The following SLC2A13 variants were observed in gnomAD, a reference collection of about 807,000 sequenced individuals.
SLC2A13 encodes solute carrier family 2 member 13.
SLC2A13 carries 32 observed loss-of-function variants against 64.4 expected under a neutral mutation model. The observed-to-expected ratio is 0.50, with a 90% CI of 0.37 to 0.67. SLC2A13 has a LOEUF of 0.67. Ranked by LOEUF, SLC2A13 falls within the 30% of genes least tolerant of loss-of-function variation. The pLI, the probability that SLC2A13 is intolerant of heterozygous loss-of-function variation, is 0.00. For missense variants in SLC2A13, 743 were observed against 829.2 expected (o/e 0.90, Z 1.28); for synonymous variants, 338 against 327.1 (o/e 1.03, Z -0.36).
At chr12:40,064,326 C>A (rs947043222) in intron 1 of SLC2A13, among the ~76,000 whole-genome samples, 3 of 152,072 alleles carry the variant, frequency 2.0e-5, no homozygotes, top group Admixed American at 1.3e-4. Flanking sequence ...TACACACATA[C>A]CCTTAATCCA....
At position 40,048,173 on chromosome 12, in the gene SLC2A13, C is replaced by T. The variant is rs1948198693; in HGVS notation, c.594G>A (p.Glu198=). The change falls in exon 2 of 10, where the codon GAG becomes GAA. Residue 198 remains glutamate, a synonymous_variant. Coordinates refer to ENST00000280871, the MANE Select transcript of SLC2A13 (RefSeq NM_052885.4). ...ASMTVPVYIA[E]VSPPNLRGRL... is the part of the protein sequence containing the mutation. The stretch of plus-strand genomic sequence containing the variant: ...GGCCTCTTAAATTGGGTGGTGAGAC[C>T]TCCGCAATGTACACTGGCACTGTCA... 1 of 1,612,966 alleles carries T rather than the reference C, an allele frequency of 6.2e-7. No individual in the cohort carries two copies. Among genetic ancestry groups the T allele is most frequent in the Admixed American group, 1.7e-5 (1 of 59,778 alleles).
At chr12:39,826,118 A>G in intron 7 of SLC2A13, among the ~76,000 whole-genome samples, 1 of 152,058 alleles carries the variant, frequency 6.6e-6, no homozygotes, top group African/African-American at 2.4e-5. Flanking sequence ...AGCTTACTGA[A>G]TTTACTGTTT....
intron 1 of SLC2A13, chr12:40,068,475 C>G (rs1937825689): frequency 3.8e-6 from 1 of 263,402 alleles, no homozygotes; most frequent in Non-Finnish European, 7.7e-6. Context: ...TTTTTCTTAT[C>G]TAATCATCTT....
At chr12:39,920,121 T>C (rs1945590227) in intron 4 of SLC2A13, among the ~76,000 whole-genome samples, 1 of 152,066 alleles carries the variant, frequency 6.6e-6, no homozygotes, top group Non-Finnish European at 1.5e-5. Flanking sequence ...CAAGACACAT[T>C]CTAAGATGCT....
chr12:39,987,771 A>T (rs1947055458), intron 3 of SLC2A13, among the ~76,000 whole-genome samples: 1 of 152,156 alleles, frequency 6.6e-6, no homozygotes, highest in African/African-American at 2.4e-5. Flanking sequence ...ACTACAGTTT[A>T]ATCTTTTTAA....
At chr12:39,829,939 T>G in intron 7 of SLC2A13, 164 bp downstream of exon 7, 1 of 873,936 alleles carries the variant, frequency 1.1e-6, no homozygotes, top group South Asian at 1.6e-5. Flanking sequence ...AAACACACAA[T>G]TGCAATGCTT....
At chr12:40,070,179 T>A (rs913193518) in intron 1 of SLC2A13, among the ~76,000 whole-genome samples, 1 of 149,102 alleles carries the variant, frequency 6.7e-6, no homozygotes, top group African/African-American at 2.5e-5. Context: ...ACTCAGAGAC[T>A]TGTTGAAGTG....
intron 1 of SLC2A13, among the ~76,000 whole-genome samples, chr12:40,083,897 C>A (rs1319568677): frequency 6.6e-6 from 1 of 152,132 alleles, no homozygotes; most frequent in Non-Finnish European, 1.5e-5. Context: ...TGCATTATTT[C>A]CAGAGTTCTT....
chr12:40,061,265 T>C (rs1948416576), intron 1 of SLC2A13, among the ~76,000 whole-genome samples: 1 of 151,978 alleles, frequency 6.6e-6, no homozygotes, highest in Non-Finnish European at 1.5e-5. Context: ...ATGTACCAAG[T>C]AAAAAGAAGG....
intron 3 of SLC2A13, among the ~76,000 whole-genome samples, chr12:39,987,621 A>G (rs1591982503): frequency 1.3e-5 from 2 of 152,212 alleles, no homozygotes; most frequent in Admixed American, 6.5e-5. Context: ...TTATACATTT[A>G]TACACTGTTT....
intron 6 of SLC2A13, among the ~76,000 whole-genome samples, chr12:39,857,828 C>G (rs1453732927): frequency 2.6e-5 from 4 of 152,188 alleles, no homozygotes; most frequent in Non-Finnish European, 1.5e-5. Context: ...GCCATACTCC[C>G]TGCTTAGGAC....
At chr12:40,022,037 G>C (rs1313775274) in intron 3 of SLC2A13, among the ~76,000 whole-genome samples, 1 of 151,242 alleles carries the variant, frequency 6.6e-6, no homozygotes, top group Non-Finnish European at 1.5e-5. Flanking sequence ...AAAATTACTA[G>C]AGGAAAAAAA....
intron 3 of SLC2A13, among the ~76,000 whole-genome samples, chr12:39,976,032 G>A (rs1230613570): frequency 6.6e-6 from 1 of 152,176 alleles, no homozygotes; most frequent in Non-Finnish European, 1.5e-5. Context: ...GTGAAACACA[G>A]AGGAGGCACA....
At chr12:39,777,432 G>T (rs1017409325) in intron 7 of SLC2A13, among the ~76,000 whole-genome samples, 1 of 152,322 alleles carries the variant, frequency 6.6e-6, no homozygotes, top group South Asian at 2.1e-4. Context: ...GAAGGGAAAA[G>T]CATGGTCCCT....
intron 4 of SLC2A13, among the ~76,000 whole-genome samples, chr12:39,896,236 GTATATATGTATA>G (rs1944844302): frequency 5.0e-5 from 5 of 99,508 alleles, no homozygotes; most frequent in African/African-American, 1.8e-4. Flanking sequence ...ATGCATATGT[GTATATATGTATA>G]CATGTATGTA....
At chr12:40,044,040 A>G (rs779863519) in intron 2 of SLC2A13, among the ~76,000 whole-genome samples, 3 of 152,190 alleles carry the variant, frequency 2.0e-5, no homozygotes. Context: ...AAATTTGTAC[A>G]CAAATGTTCA....
At chr12:39,909,806 T>G (rs1475864811) in intron 4 of SLC2A13, among the ~76,000 whole-genome samples, 3 of 151,932 alleles carry the variant, frequency 2.0e-5, no homozygotes, top group Non-Finnish European at 4.4e-5. Flanking sequence ...TAATTTGCAG[T>G]GTGGGAACTC....
intron 2 of SLC2A13, among the ~76,000 whole-genome samples, chr12:40,029,081 T>C (rs1039900990): frequency 2.0e-5 from 3 of 152,160 alleles, no homozygotes; most frequent in African/African-American, 7.2e-5. Context: ...AAAAAAAAGA[T>C]GGAGTCAGAA....
intron 3 of SLC2A13, 128 bp from the exon 4 acceptor site, chr12:39,951,493 C>A: frequency 1.6e-6 from 1 of 606,892 alleles, no homozygotes; most frequent in East Asian, 3.1e-5. Context: ...TAAATCAGAA[C>A]AACTCTATTT....
Sources: gnomAD v4.1 joint callset for allele counts (sites outside exome capture counted in the v4.1 genomes callset) on GRCh38, gnomAD v4.1.1 for gene constraint, MANE v1.5 for transcripts, NCBI Gene and HGNC (gene_info 2026-07-23, HGNC 2026-07-21) for gene names.